The following MED13L variants were observed in gnomAD, a reference collection of about 807,000 sequenced individuals.
The protein encoded by MED13L is mediator complex subunit 13L.
In MED13L, 7 loss-of-function variants were observed where a neutral mutation model predicts 220.9. That is an observed-to-expected ratio of 0.03 (90% CI 0.02 to 0.06). MED13L has a LOEUF of 0.06. MED13L is among the 10% of genes least tolerant of loss of function. MED13L has a pLI of 1.00. For missense variants in MED13L, 1,965 were observed against 2,760.5 expected (o/e 0.71, Z 6.46); for synonymous variants, 1,011 against 1,015.2 (o/e 1.00, Z 0.08).
At chr12:116,072,599 A>T (rs997919244) in intron 4 of MED13L, among the ~76,000 whole-genome samples, 1 of 152,152 alleles carries the variant, frequency 6.6e-6, no homozygotes, top group Non-Finnish European at 1.5e-5. Context: ...TCACAGGTGC[A>T]TGCCACGATG....
At chr12:116,158,836 C>A (rs1194688698) in intron 2 of MED13L, among the ~76,000 whole-genome samples, 3 of 151,998 alleles carry the variant, frequency 2.0e-5, no homozygotes, top group Non-Finnish European at 4.4e-5. Context: ...AATTAATATC[C>A]CCCATTCTAC....
At chr12:116,055,874 G>A (rs1267813516) in intron 4 of MED13L, among the ~76,000 whole-genome samples, 1 of 151,262 alleles carries the variant, frequency 6.6e-6, no homozygotes, top group Non-Finnish European at 1.5e-5. Context: ...CAGCCTGGGC[G>A]ACAGTGAGAC....
At chr12:116,170,835 A>C (rs1879632603) in intron 2 of MED13L, among the ~76,000 whole-genome samples, 1 of 152,054 alleles carries the variant, frequency 6.6e-6, no homozygotes, top group Admixed American at 6.5e-5. Context: ...TCCTGACCTC[A>C]ACTGATCCAC....
At chr12:116,019,077 C>T in intron 7 of MED13L, 147 bp downstream of exon 7, 1 of 744,890 alleles carries the variant, frequency 1.3e-6, no homozygotes, top group Non-Finnish European at 2.2e-6. Context: ...TATAGTTTTC[C>T]TTCTCCATTT....
At chr12:116,232,083 A>T (rs17498872) in intron 2 of MED13L, 169,071 of 984,402 alleles carry the variant, frequency 0.17, 15,072 homozygotes, top group South Asian at 0.22. Context: ...CAGAAAACAG[A>T]TCCATTTTTC....
At chr12:116,111,980 G>C (rs1208893326) in intron 2 of MED13L, among the ~76,000 whole-genome samples, 1 of 152,142 alleles carries the variant, frequency 6.6e-6, no homozygotes, top group African/African-American at 2.4e-5. Flanking sequence ...GTCTTTACAT[G>C]TTTTGAAGGT....
rs779049517 is a variant in MED13L at position 116,005,999 on chromosome 12, G to A, written c.2345-6C>T. 6.2e-7 allele frequency: 1 copy of A among 1,613,872 alleles called. No individual in the cohort carries two copies. The highest frequency in any genetic ancestry group is 2.2e-5 in the East Asian group (1 of 44,858). On this transcript the variant is annotated splice_polypyrimidine_tract_variant and splice_region_variant and intron_variant, in intron 12 of 30. Transcript: ENST00000281928. ...AGCATTATCCTGCCGGACATCTGTAGGAAAGGAGGCAAAAGACACAGAATA... is the reference window on the plus strand; with the variant it reads ...AGCATTATCCTGCCGGACATCTGTAAGAAAGGAGGCAAAAGACACAGAATA...
chr12:115,989,291 C>T (rs539108907), intron 17 of MED13L, among the ~76,000 whole-genome samples: 2 of 152,206 alleles, frequency 1.3e-5, no homozygotes, highest in South Asian at 4.1e-4. Flanking sequence ...ATGTTTAATC[C>T]TTATCTTAAA....
At chr12:116,185,325 T>G (rs1880809305) in intron 2 of MED13L, among the ~76,000 whole-genome samples, 1 of 151,898 alleles carries the variant, frequency 6.6e-6, no homozygotes, top group South Asian at 2.1e-4. Flanking sequence ...AAGACCTACT[T>G]GATCACTATA....
chr12:116,074,138 T>C (rs1870597445), intron 4 of MED13L, among the ~76,000 whole-genome samples: 1 of 152,238 alleles, frequency 6.6e-6, no homozygotes, highest in Non-Finnish European at 1.5e-5. Flanking sequence ...CTCATGCCTG[T>C]AATCCCAGCA....
chr12:115,959,306 T>C lies in MED13L; in HGVS notation c.*1960A>G, dbSNP rs1308000013. On this transcript the variant is annotated 3_prime_UTR_variant, in exon 31 of 31. Coordinates refer to ENST00000281928, the MANE Select transcript of MED13L (RefSeq NM_015335.5). Reference sequence around the variant, plus strand: ...TTAAAGTTTTTTTGTAGGGGTTTTTTATTTTTTGTGTTTTTTTTCTTTTTC... The same window carrying C: ...TTAAAGTTTTTTTGTAGGGGTTTTTCATTTTTTGTGTTTTTTTTCTTTTTC... 2.0e-5 allele frequency: 3 copies of C among 152,478 alleles called. No homozygotes were observed. The East Asian group carries it at 5.8e-4, about 29-fold the overall frequency. 9.4% of individuals were successfully genotyped at this position (152,478 alleles called of 1,614,324 possible).
chr12:116,258,094 A>G (rs1313982263), intron 1 of MED13L, among the ~76,000 whole-genome samples: 1 of 152,222 alleles, frequency 6.6e-6, no homozygotes, highest in Non-Finnish European at 1.5e-5. Flanking sequence ...AGGCTCGAAA[A>G]AGAAAGAGAC....
rs1420845450 is a variant in MED13L at position 116,064,747 on chromosome 12, C to T, written c.479+31922G>A. ...ACTGCCAAAAGGGCAGCTTCTTCTC[C>T]TTACAGCTCTTCCATCTGACACTGG... On this transcript the variant is annotated intron_variant, in intron 4 of 30. Transcript: ENST00000281928. 5.3e-5 allele frequency among the ~76,000 whole-genome samples: 8 copies of T among 152,306 alleles called. No individual in the cohort carries two copies. The East Asian group carries it at 1.5e-3, about 29-fold the overall frequency.
intron 27 of MED13L, among the ~76,000 whole-genome samples, chr12:115,969,768 C>T (rs1876453564): frequency 6.6e-6 from 1 of 152,206 alleles, no homozygotes; most frequent in Non-Finnish European, 1.5e-5. Context: ...AAGGGATCCG[C>T]CTGCCTCAGC....
Position 115,997,202 on chromosome 12 carries a change from G to C in MED13L, c.2598C>G (p.Pro866=). ...GATGCTGTTCCAAAGATGGTGGAGT[G>C]GGAAACATCCTTTGCAAGTCTGCAA... is the stretch of plus-strand genomic sequence containing the variant. ...PTVADLQRMF[P]TPPSLEQHPA... Residue 866 remains proline (P), a synonymous_variant, in exon 15 of 31, where the codon CCC becomes CCG. Coordinates refer to ENST00000281928, the MANE Select transcript of MED13L (RefSeq NM_015335.5). The C allele has an allele frequency of 1.2e-6, 2 of 1,613,908 alleles. No individual in the cohort carries two copies. Among genetic ancestry groups the C allele is most frequent in the Non-Finnish European group, 1.7e-6 (2 of 1,179,962 alleles).
chr12:116,096,852 AC>A, intron 3 of MED13L, 100 bp from the exon 4 acceptor site: 1 of 836,990 alleles, frequency 1.2e-6, no homozygotes. Context: ...AAAAATAAAA[AC>A]ACCACCAATT....
chr12:116,238,922 C>T (rs1405529232), intron 1 of MED13L, among the ~76,000 whole-genome samples: 1 of 152,098 alleles, frequency 6.6e-6, no homozygotes, highest in Non-Finnish European at 1.5e-5. Flanking sequence ...TGCTGAAACC[C>T]CGTCTCCACT....
chr12:115,972,531 G>A (rs1565986051), intron 25 of MED13L: 1 of 395,260 alleles, frequency 2.5e-6, no homozygotes, highest in South Asian at 2.1e-5. Flanking sequence ...TAGGCACTTA[G>A]AGTGCTTTTC....
chr12:116,201,853 A>G (rs1242726992), intron 2 of MED13L, among the ~76,000 whole-genome samples: 1 of 152,226 alleles, frequency 6.6e-6, no homozygotes, highest in Non-Finnish European at 1.5e-5. Context: ...CAGTAAGAAA[A>G]TAAGTTCTAA....
Sources: allele counts gnomAD v4.1 joint callset (sites outside exome capture counted in the v4.1 genomes callset), GRCh38; gene constraint gnomAD v4.1.1; transcripts MANE v1.5; gene names NCBI Gene and HGNC (gene_info 2026-07-23, HGNC 2026-07-21).